The following GRM1 variants were observed in gnomAD, a reference collection of about 807,000 sequenced individuals.
The protein encoded by GRM1 is glutamate metabotropic receptor 1.
A neutral mutation model predicts 90.9 loss-of-function variants in GRM1; 33 were observed. The ratio of observed to expected loss-of-function variants is 0.36; its 90% confidence interval spans 0.28 to 0.49. The LOEUF is 0.49. Ranked by LOEUF, GRM1 falls within the 20% of genes least tolerant of loss-of-function variation. GRM1 has a pLI of 0.99. For missense variants in GRM1, 1,190 were observed against 1,534.3 expected (o/e 0.78, Z 3.75); for synonymous variants, 700 against 613.2 (o/e 1.14, Z -2.09).
At chr6:146,045,143 T>C (rs973024588) in intron 1 of GRM1, among the ~76,000 whole-genome samples, 6 of 152,116 alleles carry the variant, frequency 3.9e-5, no homozygotes, top group Non-Finnish European at 7.4e-5. Flanking sequence ...CGTTTATATA[T>C]GTTTAAGAGA....
chr6:146,226,750 A>T (rs1436468877), intron 2 of GRM1, among the ~76,000 whole-genome samples: 1 of 152,148 alleles, frequency 6.6e-6, no homozygotes, highest in Non-Finnish European at 1.5e-5. Flanking sequence ...AGTCATTGTT[A>T]AAAATGCTCT....
intron 1 of GRM1, among the ~76,000 whole-genome samples, chr6:146,108,183 G>A (rs563966434): frequency 2.6e-5 from 4 of 152,270 alleles, no homozygotes; most frequent in Non-Finnish European, 2.9e-5. Flanking sequence ...ATATGTTCAC[G>A]CTGAAATTTG....
intron 2 of GRM1, among the ~76,000 whole-genome samples, chr6:146,164,026 A>G (rs1777825696): frequency 1.3e-5 from 2 of 152,130 alleles, no homozygotes; most frequent in Non-Finnish European, 1.5e-5. Flanking sequence ...CTAAAATTCT[A>G]AGTTATAATT....
intron 7 of GRM1, among the ~76,000 whole-genome samples, chr6:146,423,268 CA>C (rs1419938510): frequency 6.6e-6 from 1 of 152,230 alleles, no homozygotes; most frequent in African/African-American, 2.4e-5. Flanking sequence ...ACCCTGAAGT[CA>C]ACCTCTTTCT....
intron 1 of GRM1, among the ~76,000 whole-genome samples, chr6:146,100,916 A>T (rs1777028063): frequency 1.3e-5 from 2 of 152,152 alleles, no homozygotes; most frequent in South Asian, 4.1e-4. Flanking sequence ...TAGGCAACAT[A>T]GTGAGATCCT....
intron 1 of GRM1, among the ~76,000 whole-genome samples, chr6:146,117,746 T>G (rs1262940656): frequency 6.6e-6 from 1 of 152,132 alleles, no homozygotes; most frequent in Admixed American, 6.5e-5. Flanking sequence ...ATCTATAGCC[T>G]TTATAAGACC....
At chr6:146,053,463 C>T (rs951879382) in intron 1 of GRM1, among the ~76,000 whole-genome samples, 3 of 151,930 alleles carry the variant, frequency 2.0e-5, no homozygotes, top group Admixed American at 6.6e-5. Context: ...ATTATAGGAT[C>T]GACTTAGAGG....
intron 5 of GRM1, among the ~76,000 whole-genome samples, chr6:146,368,372 T>A (rs1395629064): frequency 6.6e-6 from 1 of 152,066 alleles, no homozygotes; most frequent in African/African-American, 2.4e-5. Flanking sequence ...TTACTTTCTC[T>A]TGCCTAATTT....
intron 7 of GRM1, among the ~76,000 whole-genome samples, chr6:146,409,350 A>C (rs775392312): frequency 2.6e-5 from 4 of 152,184 alleles, no homozygotes; most frequent in African/African-American, 7.2e-5. Flanking sequence ...TGCATAGCAC[A>C]GAGAGAAATA....
At chr6:146,408,193 G>A (rs1309607471) in intron 7 of GRM1, among the ~76,000 whole-genome samples, 2 of 151,992 alleles carry the variant, frequency 1.3e-5, no homozygotes, top group African/African-American at 4.8e-5. Context: ...TCTTCATTAG[G>A]GCACTGATTC....
At chr6:146,075,303 A>G (rs937687353) in intron 1 of GRM1, among the ~76,000 whole-genome samples, 3 of 152,194 alleles carry the variant, frequency 2.0e-5, no homozygotes, top group Admixed American at 6.6e-5. Flanking sequence ...TATTTAACAA[A>G]TTATTAATTG....
At chr6:146,283,531 G>A (rs1272783469) in intron 2 of GRM1, among the ~76,000 whole-genome samples, 1 of 152,152 alleles carries the variant, frequency 6.6e-6, no homozygotes, top group Admixed American at 6.5e-5. Flanking sequence ...AATGTCCCAT[G>A]TTATAAAAGA....
chr6:146,078,847 CCCATCCCCA>C (rs1322289865), intron 1 of GRM1, among the ~76,000 whole-genome samples: 3 of 152,130 alleles, frequency 2.0e-5, no homozygotes, highest in Non-Finnish European at 4.4e-5. Context: ...CCTTCCCTTT[CCCATCCCCA>C]CCATCCCCAC....
At chr6:146,312,874 T>C (rs1168181356) in intron 3 of GRM1, among the ~76,000 whole-genome samples, 1 of 152,148 alleles carries the variant, frequency 6.6e-6, no homozygotes, top group Non-Finnish European at 1.5e-5. Flanking sequence ...ATGCCCAACA[T>C]AGGGTGGACT....
chr6:146,424,067 A>C (rs1778108372), intron 7 of GRM1, among the ~76,000 whole-genome samples: 1 of 152,200 alleles, frequency 6.6e-6, no homozygotes, highest in African/African-American at 2.4e-5. Context: ...GGCAGAGGTC[A>C]TAGGGAAGTT....
intron 6 of GRM1, among the ~76,000 whole-genome samples, chr6:146,392,278 G>C (rs1487639655): frequency 6.6e-6 from 1 of 152,050 alleles, no homozygotes; most frequent in Non-Finnish European, 1.5e-5. Context: ...AGAGATCCTG[G>C]TAGTCCAATC....
chr6:146,043,449 A>G (rs1369194833), intron 1 of GRM1, among the ~76,000 whole-genome samples: 1 of 151,942 alleles, frequency 6.6e-6, no homozygotes, highest in African/African-American at 2.4e-5. Flanking sequence ...TATCATTTTC[A>G]TCTATTTTTT....
At chr6:146,069,755 A>G (rs537979649) in intron 1 of GRM1, among the ~76,000 whole-genome samples, 1 of 152,320 alleles carries the variant, frequency 6.6e-6, no homozygotes, top group South Asian at 2.1e-4. Context: ...GAAGCAATCT[A>G]TGTTGTGCCT....
At chr6:146,323,417 G>C (rs147097250) in intron 3 of GRM1, among the ~76,000 whole-genome samples, 1 of 152,024 alleles carries the variant, frequency 6.6e-6, no homozygotes, top group East Asian at 1.9e-4. Flanking sequence ...CATATCCTTC[G>C]CCCACTTTTT....
Sources: allele counts gnomAD v4.1 joint callset (sites outside exome capture counted in the v4.1 genomes callset), GRCh38; gene constraint gnomAD v4.1.1; transcripts MANE v1.5; gene names NCBI Gene and HGNC (gene_info 2026-07-23, HGNC 2026-07-21).